Variants in NTNG1 observed in about 807,000 individuals in gnomAD.
NTNG1 encodes the protein netrin-G1.
NTNG1 carries 16 observed loss-of-function variants against 54.0 expected under a neutral mutation model. That is an observed-to-expected ratio of 0.30 (90% confidence interval 0.20 to 0.45). NTNG1 has a LOEUF of 0.45. NTNG1 is among the 20% of genes least tolerant of loss of function. The pLI, the probability that NTNG1 is intolerant of heterozygous loss-of-function variation, is 1.00. For synonymous variants in NTNG1, 255 were observed against 263.1 expected (o/e 0.97, Z 0.30); for missense variants, 530 against 678.7 (o/e 0.78, Z 2.43).
chr1:107,203,281 T>C (rs1293094464), intron 2 of NTNG1, among the ~76,000 whole-genome samples: 1 of 151,832 alleles, frequency 6.6e-6, no homozygotes, highest in African/African-American at 2.4e-5. Flanking sequence ...CAAGGGTCTG[T>C]GAGTAGTAAT....
At chr1:107,215,001 T>C (rs965461084) in intron 2 of NTNG1, among the ~76,000 whole-genome samples, 4 of 152,154 alleles carry the variant, frequency 2.6e-5, no homozygotes, top group African/African-American at 9.7e-5. Flanking sequence ...TGATTTTTTG[T>C]TTGAGTTCCT....
intron 2 of NTNG1, among the ~76,000 whole-genome samples, chr1:107,178,806 C>T (rs976912509): frequency 3.9e-5 from 6 of 152,112 alleles, no homozygotes; most frequent in Non-Finnish European, 7.4e-5. Context: ...TAAGCCATGG[C>T]GACACACAAC....
intron 3 of NTNG1, among the ~76,000 whole-genome samples, chr1:107,331,111 G>A (rs1167166160): frequency 6.6e-6 from 1 of 152,066 alleles, no homozygotes; most frequent in Non-Finnish European, 1.5e-5. Flanking sequence ...GACCAGAGGA[G>A]TGCCGTGACT....
intron 7 of NTNG1, among the ~76,000 whole-genome samples, chr1:107,451,393 G>A (rs1206930388): frequency 6.6e-6 from 1 of 152,034 alleles, no homozygotes; most frequent in Non-Finnish European, 1.5e-5. Context: ...AGGAACAGAG[G>A]ATGAGTTAAT....
intron 3 of NTNG1, among the ~76,000 whole-genome samples, chr1:107,357,274 A>G (rs924651764): frequency 2.8e-5 from 4 of 140,534 alleles, no homozygotes; most frequent in Admixed American, 2.2e-4. Context: ...TCATTGAGCC[A>G]TGATCTCAAT....
intron 2 of NTNG1, among the ~76,000 whole-genome samples, chr1:107,224,644 G>A (rs982702962): frequency 1.3e-5 from 2 of 152,078 alleles, no homozygotes; most frequent in African/African-American, 4.8e-5. Flanking sequence ...AATGGGACTC[G>A]ATTCCATTTA....
intron 2 of NTNG1, among the ~76,000 whole-genome samples, chr1:107,185,363 C>T (rs1220464157): frequency 6.6e-6 from 1 of 152,128 alleles, no homozygotes. Flanking sequence ...TGGTTGCTGG[C>T]GACCCCTGGC....
rs377068419 is a variant in NTNG1, at chr1:107,148,889, G to A, written c.246+50G>A. 67 of 1,548,252 alleles carry A rather than the reference G, an allele frequency of 4.3e-5. No individual in the cohort carries two copies. In the South Asian group the frequency reaches 6.3e-4, roughly 15 times the overall value. ...TATTTCATATAAATAGGGTCTAATC[G>A]CATATGCATACAGATGTGGTGAGTG... On this transcript the variant is annotated intron_variant, in intron 2 of 7. Coordinates refer to ENST00000370068, the MANE Select transcript of NTNG1 (RefSeq NM_001113226.3).
chr1:107,449,949 A>T (rs17466589), intron 7 of NTNG1, among the ~76,000 whole-genome samples: 2 of 151,916 alleles, frequency 1.3e-5, no homozygotes, highest in African/African-American at 2.4e-5. Flanking sequence ...TCCTCATTGC[A>T]TACTTGTCTT....
intron 2 of NTNG1, among the ~76,000 whole-genome samples, chr1:107,150,576 G>T (rs904749704): frequency 1.3e-5 from 2 of 152,168 alleles, no homozygotes; most frequent in African/African-American, 4.8e-5. Context: ...ATAATTTACA[G>T]ATCTAAGTAA....
chr1:107,424,215 A>G (rs1674740968), intron 5 of NTNG1, among the ~76,000 whole-genome samples: 1 of 152,108 alleles, frequency 6.6e-6, no homozygotes, highest in Admixed American at 6.5e-5. Context: ...ATATTTTAAA[A>G]AGAAATGGGG....
At chr1:107,257,618 T>C (rs1442405799) in intron 2 of NTNG1, among the ~76,000 whole-genome samples, 2 of 152,298 alleles carry the variant, frequency 1.3e-5, no homozygotes, top group African/African-American at 2.4e-5. Flanking sequence ...TATCCAAAAA[T>C]ACGCAGCCAA....
chr1:107,425,531 G>T (rs1674848922), intron 5 of NTNG1, among the ~76,000 whole-genome samples: 1 of 152,022 alleles, frequency 6.6e-6, no homozygotes, highest in Non-Finnish European at 1.5e-5. Flanking sequence ...TCTTATGTCT[G>T]CATAGTATTT....
chr1:107,387,689 G>A, intron 3 of NTNG1, among the ~76,000 whole-genome samples: 1 of 152,156 alleles, frequency 6.6e-6, no homozygotes, highest in African/African-American at 2.4e-5. Flanking sequence ...TTGACTCTTG[G>A]CTGCCACTTA....
At chr1:107,271,564 G>A (rs1664145741) in intron 2 of NTNG1, among the ~76,000 whole-genome samples, 1 of 152,100 alleles carries the variant, frequency 6.6e-6, no homozygotes, top group Non-Finnish European at 1.5e-5. Context: ...CGAAGAATAA[G>A]AATCCAAAAT....
At chr1:107,303,824 C>T (rs956918626) in intron 2 of NTNG1, among the ~76,000 whole-genome samples, 2 of 152,036 alleles carry the variant, frequency 1.3e-5, no homozygotes, top group South Asian at 2.1e-4. Context: ...GTAGCTGGGA[C>T]TACAGGCGCA....
intron 2 of NTNG1, among the ~76,000 whole-genome samples, chr1:107,190,168 A>G (rs1420614514): frequency 6.6e-6 from 1 of 152,110 alleles, no homozygotes; most frequent in African/African-American, 2.4e-5. Context: ...GGAGGGAGGA[A>G]TGAAGAGTTA....
chr1:107,480,585 C>T, intron 7 of NTNG1, 26 bp from the exon 8 acceptor site: 1 of 906,198 alleles, frequency 1.1e-6, no homozygotes, highest in Non-Finnish European at 1.7e-6. Context: ...CGCCCACCCA[C>T]CCCTACCTTC....
intron 5 of NTNG1, among the ~76,000 whole-genome samples, chr1:107,417,714 G>T (rs1474449750): frequency 6.6e-6 from 1 of 152,196 alleles, no homozygotes; most frequent in South Asian, 2.1e-4. Flanking sequence ...ATGTGGTTTT[G>T]AGACTGGACT....
Sources: allele counts gnomAD v4.1 joint callset (sites outside exome capture counted in the v4.1 genomes callset), GRCh38; gene constraint gnomAD v4.1.1; transcripts MANE v1.5; gene names NCBI Gene and HGNC (gene_info 2026-07-23, HGNC 2026-07-21).